The following TMEM161B variants were observed in gnomAD, a reference collection of about 807,000 sequenced individuals.
TMEM161B encodes transmembrane protein 161B.
In TMEM161B, 34 loss-of-function variants were observed where a neutral mutation model predicts 61.8. The ratio of observed to expected loss-of-function variants is 0.55; its 90% confidence interval spans 0.42 to 0.73. The LOEUF (loss-of-function observed/expected upper bound fraction) is 0.73, where lower values mean the gene tolerates loss of function less well. Among genes scored for constraint, TMEM161B ranks in the 30% least tolerant of loss-of-function variants. The probability of loss-of-function intolerance (pLI) is 0.00; values close to 1 mark genes in which losing one functional copy is unlikely to be tolerated. For synonymous variants in TMEM161B, 167 were observed against 192.8 expected, an observed-to-expected ratio of 0.87 and a Z score of 1.11; for missense variants, 456 against 558.5, an observed-to-expected ratio of 0.82 and a Z score of 1.85.
At chr5:88,241,081 A>G (rs1208619959) in intron 1 of TMEM161B, among the ~76,000 whole-genome samples, 165 bp from the exon 2 acceptor site, 1 of 151,878 alleles carries the variant, frequency 6.6e-6, no homozygotes, top group African/African-American at 2.4e-5. Context: ...ACAACTGCAG[A>G]TCAAAAATAT....
chr5:88,240,250 C>T (rs1016866394), intron 2 of TMEM161B, among the ~76,000 whole-genome samples: 1 of 151,842 alleles, frequency 6.6e-6, no homozygotes, highest in African/African-American at 2.4e-5. Flanking sequence ...TGCAGTAAAA[C>T]TATGAACTCC....
intron 2 of TMEM161B, 25 bp from the exon 3 acceptor site, chr5:88,228,553 A>T: frequency 6.6e-7 from 1 of 1,508,030 alleles, no homozygotes; most frequent in South Asian, 1.2e-5. Flanking sequence ...AATTCTTTTA[A>T]ATAAAGCGCT....
chr5:88,233,251 A>G (rs1041202196), intron 2 of TMEM161B, among the ~76,000 whole-genome samples: 3 of 152,238 alleles, frequency 2.0e-5, no homozygotes, highest in Admixed American at 1.3e-4. Context: ...GTCATACCAC[A>G]TGAAAGAATG....
At chr5:88,197,815 G>A (rs1164986813) in intron 10 of TMEM161B, 50 bp from the exon 11 acceptor site, 4 of 1,493,292 alleles carry the variant, frequency 2.7e-6, no homozygotes, top group South Asian at 1.2e-5. Context: ...CATGTTAGGA[G>A]TGAATTAAAC....
At chr5:88,212,322 C>A (rs1746973915) in intron 5 of TMEM161B, among the ~76,000 whole-genome samples, 1 of 152,024 alleles carries the variant, frequency 6.6e-6, no homozygotes, top group Non-Finnish European at 1.5e-5. Context: ...AACATTTTGA[C>A]AAATCAAGAA....
intron 1 of TMEM161B, among the ~76,000 whole-genome samples, chr5:88,257,079 G>A (rs1213282259): frequency 6.6e-6 from 1 of 152,094 alleles, no homozygotes; most frequent in Non-Finnish European, 1.5e-5. Flanking sequence ...GACCAGACTG[G>A]CCAACGTGGT....
At chr5:88,197,909 G>C in intron 10 of TMEM161B, 144 bp from the exon 11 acceptor site, 1 of 564,568 alleles carries the variant, frequency 1.8e-6, no homozygotes. Context: ...TGTGCTGCAT[G>C]ATACATGTCC....
At chr5:88,245,349 G>T (rs929154810) in intron 1 of TMEM161B, among the ~76,000 whole-genome samples, 1 of 151,782 alleles carries the variant, frequency 6.6e-6, no homozygotes, top group Non-Finnish European at 1.5e-5. Context: ...TCCATTCAAT[G>T]AATGCCATTA....
At chr5:88,205,437 T>C (rs1367580022) in intron 8 of TMEM161B, among the ~76,000 whole-genome samples, 1 of 152,062 alleles carries the variant, frequency 6.6e-6, no homozygotes. Flanking sequence ...TTAATTTAAA[T>C]AGATATATAT....
downstream of TMEM161B, among the ~76,000 whole-genome samples, chr5:88,191,808 T>C (rs530501167): frequency 3.3e-5 from 5 of 150,198 alleles, no homozygotes; most frequent in African/African-American, 1.2e-4. Context: ...ATACGAAAAA[T>C]TAGCTGGTCA....
intron 5 of TMEM161B, among the ~76,000 whole-genome samples, chr5:88,208,122 G>A (rs1270333314): frequency 2.6e-5 from 4 of 152,150 alleles, no homozygotes; most frequent in Non-Finnish European, 4.4e-5. Context: ...GGTCTAAGCC[G>A]GCGGATCACC....
rs70996464 is a variant in TMEM161B, at chr5:88,261,730, C to CAAAA, written c.3+6987_3+6990dup. Reference sequence around the variant, plus strand: ...ACTGAAACAACTAGACATTCATGTGCAAAAAAAAAAAAAAAAAAAAAGACT... The same window carrying CAAAA: ...ACTGAAACAACTAGACATTCATGTGCAAAAAAAAAAAAAAAAAAAAAAAAAGACT... On this transcript the variant is annotated intron_variant, in intron 1 of 11. Transcript: ENST00000296595. Among the ~76,000 whole-genome samples, 119 of 49,276 alleles carry CAAAA rather than the reference C, an allele frequency of 2.4e-3. 1 individual carries two copies. The highest frequency in any genetic ancestry group is 3.0e-3 in the Non-Finnish European group (87 of 28,690). 32.3% of individuals were successfully genotyped at this position (49,276 alleles called of 152,430 possible).
At chr5:88,240,786 G>C in intron 2 of TMEM161B, 27 bp downstream of exon 2, 1 of 1,519,774 alleles carries the variant, frequency 6.6e-7, no homozygotes, top group African/African-American at 1.4e-5. Context: ...GAAAGTGTCA[G>C]TTGAAATCAG....
At chr5:88,191,837 G>A (rs1472928664), downstream of TMEM161B, among the ~76,000 whole-genome samples, 3 of 149,872 alleles carry the variant, frequency 2.0e-5, no homozygotes, top group East Asian at 5.9e-4. Context: ...GGCGCCTGTA[G>A]TCCCAGTTAC....
chr5:88,187,085 T>A (rs1748398154), downstream of TMEM161B, among the ~76,000 whole-genome samples: 1 of 152,210 alleles, frequency 6.6e-6, no homozygotes, highest in Admixed American at 6.5e-5. Flanking sequence ...AATGTGGACA[T>A]CCAATTATTC....
chr5:88,200,991 TC>T (rs1186205422), intron 9 of TMEM161B: 1 of 152,104 alleles, frequency 6.6e-6, no homozygotes, highest in East Asian at 1.9e-4. Flanking sequence ...TTTTCCTTCA[TC>T]CTACCCTCTT....
At chr5:88,211,665 G>T (rs1194970509) in intron 5 of TMEM161B, among the ~76,000 whole-genome samples, 1 of 151,952 alleles carries the variant, frequency 6.6e-6, no homozygotes, top group Non-Finnish European at 1.5e-5. Flanking sequence ...AGCTAACTCG[G>T]GAAGCTGAGG....
At chr5:88,219,501 A>C (rs1408509057) in intron 5 of TMEM161B, among the ~76,000 whole-genome samples, 1 of 152,130 alleles carries the variant, frequency 6.6e-6, no homozygotes, top group Non-Finnish European at 1.5e-5. Flanking sequence ...AATATCTCCC[A>C]GTAGTAAAAG....
rs985729116 is a variant in TMEM161B at position 88,211,694 on chromosome 5, C to T, written c.447-4514G>A. On this transcript the variant is annotated intron_variant, in intron 5 of 11. Coordinates refer to ENST00000296595, the MANE Select transcript of TMEM161B (RefSeq NM_153354.5). ...GCTGAGGAAGGAGAATTGCTTGAATCCAGGAGATGGAGGTTGCAGTGAGCC... is the reference window on the plus strand; with the variant it reads ...GCTGAGGAAGGAGAATTGCTTGAATTCAGGAGATGGAGGTTGCAGTGAGCC... 7.9e-5 allele frequency among the ~76,000 whole-genome samples: 12 copies of T among 151,448 alleles called. No individual in the cohort carries two copies. The East Asian group carries it at 1.4e-3, about 17-fold the overall frequency.
Sources: gnomAD v4.1 joint callset for allele counts (sites outside exome capture counted in the v4.1 genomes callset) on GRCh38, gnomAD v4.1.1 for gene constraint, MANE v1.5 for transcripts, NCBI Gene and HGNC (gene_info 2026-07-23, HGNC 2026-07-21) for gene names.